RALYL: variants seen among roughly 807,000 people sequenced by gnomAD.
RALYL encodes RALY RNA binding protein like.
RALYL carries 29 observed loss-of-function variants against 35.1 expected under a neutral mutation model. The ratio of observed to expected loss-of-function variants is 0.83; its 90% CI spans 0.61 to 1.13. The LOEUF (loss-of-function observed/expected upper bound fraction) is 1.13, where lower values mean the gene tolerates loss of function less well. RALYL is among the 50% of genes most tolerant of loss of function. The pLI is 0.00. For missense variants in RALYL, 359 were observed against 360.4 expected (o/e 1.00, Z 0.03); for synonymous variants, 120 against 127.6 (o/e 0.94, Z 0.40).
chr8:84,576,614 G>A (rs979934069), intron 2 of RALYL, among the ~76,000 whole-genome samples: 7 of 152,058 alleles, frequency 4.6e-5, no homozygotes, highest in African/African-American at 1.7e-4. Context: ...TTGCTTACAT[G>A]GCCTACACCT....
intron 1 of RALYL, among the ~76,000 whole-genome samples, chr8:84,429,800 A>G (rs931820198): frequency 1.3e-5 from 2 of 152,084 alleles, no homozygotes; most frequent in Non-Finnish European, 2.9e-5. Flanking sequence ...AAAGGAAAAC[A>G]TGTCATTTAC....
chr8:84,602,306 T>C (rs908613517), intron 2 of RALYL, among the ~76,000 whole-genome samples: 1 of 152,292 alleles, frequency 6.6e-6, no homozygotes, highest in African/African-American at 2.4e-5. Flanking sequence ...ATAAGTCATT[T>C]TGGACTTCTC....
chr8:84,327,768 C>A (rs935236259), intron 1 of RALYL, among the ~76,000 whole-genome samples: 6 of 151,614 alleles, frequency 4.0e-5, no homozygotes, highest in Admixed American at 1.3e-4. Flanking sequence ...AATGGGAGTT[C>A]TTTTAAAAAA....
intron 4 of RALYL, among the ~76,000 whole-genome samples, chr8:84,812,997 T>TC (rs1826270567): frequency 6.6e-6 from 1 of 152,094 alleles, no homozygotes; most frequent in Non-Finnish European, 1.5e-5. Context: ...GTGGTATTTT[T>TC]CCCCCGCTCC....
In RALYL at chr8:84,311,090, A is replaced by AAAAAT. The variant is rs1554614840; in HGVS notation, c.-24+126667_-24+126668insAAATA. 3.6e-3 allele frequency among the ~76,000 whole-genome samples: 355 copies of AAAAAT among 99,760 alleles called. 39 individuals are homozygous for AAAAAT. The highest frequency in any genetic ancestry group is 5.5e-3 in the Middle Eastern group (1 of 182). 65.4% of individuals were successfully genotyped at this position (99,760 alleles called of 152,430 possible). On this transcript the variant is annotated intron_variant, in intron 1 of 8. Coordinates refer to ENST00000521268, the MANE Select transcript of RALYL (RefSeq NM_173848.7). ...AAAAAAAAAAAAAAAAAAAAAAAAAAATGTATATTAATGTATAGTATAAAT... is the reference window on the plus strand; with the variant it reads ...AAAAAAAAAAAAAAAAAAAAAAAAAAAAAATATGTATATTAATGTATAGTATAAAT...
chr8:84,672,013 A>G (rs1013002115), intron 2 of RALYL, among the ~76,000 whole-genome samples: 80 of 152,308 alleles, frequency 5.3e-4, no homozygotes, highest in African/African-American at 1.8e-3. Context: ...AACATTTTAA[A>G]TGTTCCAAAC....
Position 84,437,611 on chromosome 8 carries a change from T to C in RALYL, c.-23-91688T>C, listed in dbSNP as rs182579469. ...TGTGCATTTCTCTGATGATTAGTGA[T>C]ATAGATTGGATATTTGTCCCTGCCC... On this transcript the variant is annotated intron_variant, in intron 1 of 8. Coordinates refer to ENST00000521268, the MANE Select transcript of RALYL (RefSeq NM_173848.7). Among the ~76,000 whole-genome samples, 403 of 152,200 alleles carry C rather than the reference T, an allele frequency of 2.6e-3. 1 individual carries two copies. The highest frequency in any genetic ancestry group is 9.4e-3 in the African/African-American group (390 of 41,548).
intron 4 of RALYL, among the ~76,000 whole-genome samples, chr8:84,813,845 G>A (rs1053863521): frequency 6.6e-6 from 1 of 152,000 alleles, no homozygotes; most frequent in Non-Finnish European, 1.5e-5. Context: ...CCATGTTGGT[G>A]TGCTGCACCT....
At chr8:84,718,794 T>G (rs1411681131) in intron 2 of RALYL, among the ~76,000 whole-genome samples, 6 of 151,710 alleles carry the variant, frequency 4.0e-5, no homozygotes, top group Admixed American at 2.0e-4. Flanking sequence ...GAAAAGAAAA[T>G]AAACGTCTAA....
At position 84,449,088 on chromosome 8, in the gene RALYL, T is replaced by G. The variant is rs200213668; in HGVS notation, c.-23-80211T>G. Among the ~76,000 whole-genome samples the G allele has an allele frequency of 8.0e-4, 122 of 151,768 alleles. 1 individual carries two copies. The East Asian group carries it at 0.018, about 23-fold the overall frequency. On this transcript the variant is annotated intron_variant, in intron 1 of 8. Transcript: ENST00000521268. ...GCTGTTAGTTTTTTTGTTTTTTTTT[T>G]TTTTTTGCTGGTGTGCTAATTGCAA... is the stretch of plus-strand genomic sequence containing the variant.
chr8:84,201,034 A>G (rs1371954937), intron 1 of RALYL, among the ~76,000 whole-genome samples: 1 of 152,134 alleles, frequency 6.6e-6, no homozygotes, highest in Non-Finnish European at 1.5e-5. Flanking sequence ...GTGCAGAAGG[A>G]GCTGATGGTG....
chr8:84,591,457 A>G (rs1813250078), intron 2 of RALYL, among the ~76,000 whole-genome samples: 1 of 152,156 alleles, frequency 6.6e-6, no homozygotes, highest in African/African-American at 2.4e-5. Context: ...GTGCTTACAC[A>G]CTCAGTAGGT....
At chr8:84,840,691 G>GA (rs1384075257) in intron 4 of RALYL, among the ~76,000 whole-genome samples, 3 of 152,122 alleles carry the variant, frequency 2.0e-5, no homozygotes, top group Non-Finnish European at 4.4e-5. Flanking sequence ...TGAAATGAAG[G>GA]AAAAAATGTT....
Position 84,855,858 on chromosome 8 carries a change from A to G in RALYL, c.413+5831A>G, listed in dbSNP as rs188473776. Among the ~76,000 whole-genome samples the G allele has an allele frequency of 3.9e-5, 6 of 152,330 alleles. No homozygotes were observed. In the East Asian group the frequency reaches 7.7e-4, roughly 20 times the overall value. The stretch of plus-strand genomic sequence containing the variant: ...CAAATGCCACAGGTGTTTTACTTCT[A>G]TGTAAAACACGTATACATTTTAAAT... On this transcript the variant is annotated intron_variant, in intron 5 of 8. Transcript: ENST00000521268.
At chr8:84,675,199 G>A (rs1233195662) in intron 2 of RALYL, among the ~76,000 whole-genome samples, 1 of 151,984 alleles carries the variant, frequency 6.6e-6, no homozygotes, top group African/African-American at 2.4e-5. Context: ...ATATAAACTT[G>A]AATTTTTCAC....
At chr8:84,731,137 C>T (rs568161261) in intron 2 of RALYL, among the ~76,000 whole-genome samples, 2 of 152,168 alleles carry the variant, frequency 1.3e-5, no homozygotes, top group East Asian at 1.9e-4. Flanking sequence ...TAACTCTATG[C>T]ATTAGATACT....
chr8:84,221,511 G>C (rs911529050), intron 1 of RALYL, among the ~76,000 whole-genome samples: 2 of 152,034 alleles, frequency 1.3e-5, no homozygotes, highest in African/African-American at 4.8e-5. Context: ...ATCATTAGCT[G>C]TTAGACCTTA....
chr8:84,274,183 G>C (rs963238071), intron 1 of RALYL, among the ~76,000 whole-genome samples: 4 of 152,142 alleles, frequency 2.6e-5, no homozygotes, highest in African/African-American at 9.7e-5. Context: ...TGGTAGCGCT[G>C]GTGGTGGTGA....
chr8:84,241,869 G>A (rs1056205428), intron 1 of RALYL, among the ~76,000 whole-genome samples: 2 of 151,788 alleles, frequency 1.3e-5, no homozygotes, highest in Non-Finnish European at 2.9e-5. Flanking sequence ...TTCAGTTTTG[G>A]GGTACATGTG....
Sources: allele counts gnomAD v4.1 joint callset (sites outside exome capture counted in the v4.1 genomes callset), GRCh38; gene constraint gnomAD v4.1.1; transcripts MANE v1.5; gene names NCBI Gene and HGNC (gene_info 2026-07-23, HGNC 2026-07-21).